CASZ1: variants seen among roughly 807,000 people sequenced by gnomAD.
The protein encoded by CASZ1 is castor zinc finger 1.
In CASZ1, 28 loss-of-function variants were observed where a neutral mutation model predicts 135.2. The ratio of observed to expected loss-of-function variants is 0.21; its 90% CI spans 0.15 to 0.28. CASZ1 has a LOEUF of 0.28. Ranked by LOEUF, CASZ1 falls within the 10% of genes least tolerant of loss-of-function variation. The pLI is 1.00. For synonymous variants in CASZ1, 1,068 were observed against 1,073.4 expected, an observed-to-expected ratio of 0.99 and a Z score of 0.10; for missense variants, 2,161 against 2,453.3, an observed-to-expected ratio of 0.88 and a Z score of 2.52.
chr1:10,789,987 GT>G (rs779583052), intron 1 of CASZ1, among the ~76,000 whole-genome samples: 2 of 152,210 alleles, frequency 1.3e-5, no homozygotes, highest in Non-Finnish European at 2.9e-5. Context: ...GGGGCCCGAG[GT>G]GGGGGTGCCC....
At chr1:10,773,787 C>G (rs928740787) in intron 1 of CASZ1, among the ~76,000 whole-genome samples, 5 of 152,182 alleles carry the variant, frequency 3.3e-5, no homozygotes, top group Admixed American at 2.0e-4. Context: ...CTCACACACA[C>G]ACATCCTATG....
At chr1:10,729,456 C>T (rs915023032) in intron 2 of CASZ1, among the ~76,000 whole-genome samples, 2 of 152,292 alleles carry the variant, frequency 1.3e-5, no homozygotes, top group East Asian at 1.9e-4. Flanking sequence ...TCATCTGTCC[C>T]GGACAGTCCA....
chr1:10,713,032 C>T (rs1248346072), intron 2 of CASZ1, among the ~76,000 whole-genome samples: 1 of 152,246 alleles, frequency 6.6e-6, no homozygotes, highest in African/African-American at 2.4e-5. Context: ...GCTCCTGCCC[C>T]CGCCCTCCTG....
chr1:10,794,834 A>G lies in CASZ1; in HGVS notation c.-234+1730T>C, dbSNP rs1352769261. ...CTGTTCCCTTCGCGGAGGAGCTTCC[A>G]GCGCCGGGGACAGACATTCGCCCAA... On this transcript the variant is annotated intron_variant, in intron 1 of 20. Transcript: ENST00000377022. This position sits in a 1 kb window ranked among gnomAD's most constrained non-coding sequence, Gnocchi z 5.6. Among the ~76,000 whole-genome samples the G allele has an allele frequency of 1.3e-5, 2 of 151,896 alleles. No individual in the cohort carries two copies. The highest frequency in any genetic ancestry group is 2.9e-5 in the Non-Finnish European group (2 of 67,934).
At chr1:10,648,172 G>A (rs1440675951) in intron 15 of CASZ1, 33 bp from the exon 16 acceptor site, 2 of 1,440,504 alleles carry the variant, frequency 1.4e-6, no homozygotes, top group African/African-American at 2.9e-5. Flanking sequence ...TCTCATGGGG[G>A]GCAGTGAAGA....
chr1:10,750,175 G>A lies in CASZ1; in HGVS notation c.-77+10526C>T, dbSNP rs117535589. The stretch of plus-strand genomic sequence containing the variant: ...AGCCAGGGATGGGCTCTTCTGCAAT[G>A]AGTTCTGTTTCAGGGCCGACTGCAC... On this transcript the variant is annotated intron_variant, in intron 2 of 20. Coordinates refer to ENST00000377022, the MANE Select transcript of CASZ1 (RefSeq NM_001079843.3). 3.8e-4 allele frequency among the ~76,000 whole-genome samples: 58 copies of A among 152,318 alleles called. No individual in the cohort carries two copies. In the East Asian group the frequency reaches 0.011, roughly 28 times the overall value.
rs1007987848 is a variant in CASZ1 at position 10,711,698 on chromosome 1, T to G, written c.-76-6154A>C. Among the ~76,000 whole-genome samples the G allele has an allele frequency of 5.3e-5, 8 of 151,932 alleles. No individual in the cohort carries two copies. The highest frequency in any genetic ancestry group is 1.2e-4 in the Non-Finnish European group (8 of 68,010). On this transcript the variant is annotated intron_variant, in intron 2 of 20. Coordinates refer to ENST00000377022, the MANE Select transcript of CASZ1 (RefSeq NM_001079843.3). This position sits in a 1 kb window ranked among gnomAD's most constrained non-coding sequence, Gnocchi z 4.4. ...ATTCAAGTGTCCATGGACTGAGAAATGGACATACAACATGGAGTCTGTCCA... is the reference window on the plus strand; with the variant it reads ...ATTCAAGTGTCCATGGACTGAGAAAGGGACATACAACATGGAGTCTGTCCA...
At chr1:10,750,938 A>G (rs1233878245) in intron 2 of CASZ1, among the ~76,000 whole-genome samples, 1 of 151,054 alleles carries the variant, frequency 6.6e-6, no homozygotes, top group African/African-American at 2.4e-5. Flanking sequence ...AATAAAAAAT[A>G]AAAGGAGGCT....
rs746210310 is a variant in CASZ1 at position 10,639,966 on chromosome 1, G to A, written c.4256C>T (p.Ala1419Val). 182 of 1,612,674 alleles carry A rather than the reference G, an allele frequency of 1.1e-4. No individual in the cohort carries two copies. Among genetic ancestry groups the A allele is most frequent in the Non-Finnish European group, 1.5e-4 (173 of 1,180,008 alleles). Residue 1419 changes from alanine (A) to valine (V), a missense_variant, in exon 21 of 21, where the codon GCG becomes GTG. Around this residue, in one of 7 missense-constraint regions of CASZ1, gnomAD observed 143 missense variants for 128.3 expected, o/e 1.11. Coordinates refer to ENST00000377022, the MANE Select transcript of CASZ1 (RefSeq NM_001079843.3). The surrounding 1 kb of genome is among the most constrained non-coding windows in gnomAD (Gnocchi z 4.0). The stretch of plus-strand genomic sequence containing the variant: ...CTCGTCCAGCATCTTCCGGGAGGAC[G>A]CCGTCTTCCGCCGCTTGCCGAAGGG... ...MSPFGKRRKT[A>V]SSRKMLDEGM...
At chr1:10,712,997 C>T (rs771447509) in intron 2 of CASZ1, among the ~76,000 whole-genome samples, 25 of 152,238 alleles carry the variant, frequency 1.6e-4, no homozygotes, top group Non-Finnish European at 3.1e-4. Context: ...ACCAGGGAGC[C>T]AGGCTCGTGG....
rs968489571 is a variant in CASZ1 at position 10,725,371 on chromosome 1, C to T, written c.-76-19827G>A. Among the ~76,000 whole-genome samples the T allele has an allele frequency of 6.6e-6, 1 of 152,172 alleles. No homozygotes were observed. The highest frequency in any genetic ancestry group is 2.4e-5 in the African/African-American group (1 of 41,426). On this transcript the variant is annotated intron_variant, in intron 2 of 20. Coordinates refer to ENST00000377022, the MANE Select transcript of CASZ1 (RefSeq NM_001079843.3). This position sits in a 1 kb window ranked among gnomAD's most constrained non-coding sequence, Gnocchi z 4.4. Reference sequence around the variant, plus strand: ...CCCGCCCTCCCTCTCCGGCAGGCTCCTCTCAAGTACTGAGCCATATGGTTC... The same window carrying T: ...CCCGCCCTCCCTCTCCGGCAGGCTCTTCTCAAGTACTGAGCCATATGGTTC...
chr1:10,789,859 C>T (rs1417390589), intron 1 of CASZ1, among the ~76,000 whole-genome samples: 10 of 152,214 alleles, frequency 6.6e-5, no homozygotes, highest in Non-Finnish European at 2.9e-5. Flanking sequence ...TGCAAAACCT[C>T]GTTAACGTGC....
chr1:10,752,776 C>T (rs1169217983), intron 2 of CASZ1, among the ~76,000 whole-genome samples: 4 of 152,266 alleles, frequency 2.6e-5, no homozygotes, highest in Admixed American at 6.5e-5. Context: ...TGGCTCACGC[C>T]TGTAATTCCA....
In CASZ1 at chr1:10,769,804, G is replaced by A. The variant is rs182073128; in HGVS notation, c.-233-8947C>T. ...AGTGCTGGGATTACAGGAGTGAGCCGCCACACCTGGCCAGAAGTAATATTT... is the reference window on the plus strand; with the variant it reads ...AGTGCTGGGATTACAGGAGTGAGCCACCACACCTGGCCAGAAGTAATATTT... On this transcript the variant is annotated intron_variant, in intron 1 of 20. Coordinates refer to ENST00000377022, the MANE Select transcript of CASZ1 (RefSeq NM_001079843.3). 1.8e-4 allele frequency among the ~76,000 whole-genome samples: 28 copies of A among 152,242 alleles called. No homozygotes were observed. The East Asian group carries it at 4.1e-3, about 22-fold the overall frequency.
intron 1 of CASZ1, among the ~76,000 whole-genome samples, chr1:10,771,663 CT>C (rs1640579411): frequency 2.0e-5 from 3 of 150,782 alleles, no homozygotes; most frequent in Non-Finnish European, 4.4e-5. Flanking sequence ...CTCTTTCCTC[CT>C]CCTCCTCCTC....
chr1:10,747,296 A>T lies in CASZ1; in HGVS notation c.-77+13405T>A, dbSNP rs1640062321. Among the ~76,000 whole-genome samples the T allele has an allele frequency of 6.6e-6, 1 of 152,170 alleles. No individual in the cohort carries two copies. The highest frequency in any genetic ancestry group is 2.1e-4 in the South Asian group (1 of 4,824). On this transcript the variant is annotated intron_variant, in intron 2 of 20. Coordinates refer to ENST00000377022, the MANE Select transcript of CASZ1 (RefSeq NM_001079843.3). The surrounding 1 kb of genome is among the most constrained non-coding windows in gnomAD (Gnocchi z 4.3). ...GTCTGCAGAGAGAGGCAGGGTTCTG[A>T]ATACGCTCATCTTTCGTAGATGCAA...
intron 15 of CASZ1, chr1:10,648,773 C>G (rs35690896): frequency 8.5e-5 from 35 of 411,178 alleles, no homozygotes; most frequent in Non-Finnish European, 1.4e-4. Context: ...GCCCCTCTGG[C>G]CTGCTCTGCA....
chr1:10,787,525 C>T (rs1048932482), intron 1 of CASZ1, among the ~76,000 whole-genome samples: 4 of 152,280 alleles, frequency 2.6e-5, no homozygotes, highest in Middle Eastern at 3.4e-3. Flanking sequence ...GGGGGGCGGG[C>T]GGAGCTGGAG....
Position 10,646,502 on chromosome 1 carries a change from G to C in CASZ1, c.3498-176C>G, listed in dbSNP as rs1449855161. On this transcript the variant is annotated intron_variant, in intron 16 of 20. Transcript: ENST00000377022. The surrounding 1 kb of genome is among the most constrained non-coding windows in gnomAD (Gnocchi z 6.4). ...ACTCAGCTGGAGACTACAGATCCCAGCATGCATTCCTGCCTCCTTTTAGGA... is the reference window on the plus strand; with the variant it reads ...ACTCAGCTGGAGACTACAGATCCCACCATGCATTCCTGCCTCCTTTTAGGA... Among the ~76,000 whole-genome samples the C allele has an allele frequency of 1.3e-5, 2 of 152,216 alleles. No homozygotes were observed. Among genetic ancestry groups the C allele is most frequent in the Non-Finnish European group, 2.9e-5 (2 of 68,034 alleles).
Sources: allele counts gnomAD v4.1 joint callset (sites outside exome capture counted in the v4.1 genomes callset), GRCh38; gene constraint gnomAD v4.1.1; regional missense constraint gnomAD v4.1.1; non-coding constraint Gnocchi (gnomAD v3.1); transcripts MANE v1.5; gene names NCBI Gene and HGNC (gene_info 2026-07-23, HGNC 2026-07-21).